The following GRM7 variants were observed in gnomAD, a reference collection of about 807,000 sequenced individuals.
GRM7 encodes metabotropic glutamate receptor 7.
Under a neutral mutation model 84.5 loss-of-function variants are expected in GRM7, and 35 were observed. The ratio of observed to expected loss-of-function variants is 0.41; its 90% CI spans 0.32 to 0.55. GRM7 has a LOEUF of 0.55. Ranked by LOEUF, GRM7 falls within the 20% of genes least tolerant of loss-of-function variation. GRM7 has a pLI of 0.19. For missense variants in GRM7, 1,003 were observed against 1,194.6 expected (o/e 0.84, Z 2.36); for synonymous variants, 487 against 455.1 (o/e 1.07, Z -0.89).
intron 7 of GRM7, among the ~76,000 whole-genome samples, chr3:7,511,526 C>G (rs1043540177): frequency 2.7e-5 from 4 of 150,380 alleles, no homozygotes; most frequent in African/African-American, 1.0e-4. Flanking sequence ...TTGCATTCAT[C>G]AGAGTGTTAC....
chr3:7,105,588 TCTTA>T (rs1346708859), intron 1 of GRM7, among the ~76,000 whole-genome samples: 1 of 151,936 alleles, frequency 6.6e-6, no homozygotes, highest in African/African-American at 2.4e-5. Flanking sequence ...CTATTCCCTT[TCTTA>T]CTTATTTAAG....
chr3:7,199,265 G>A (rs1187125475), intron 2 of GRM7, among the ~76,000 whole-genome samples: 3 of 152,204 alleles, frequency 2.0e-5, no homozygotes, highest in African/African-American at 4.8e-5. Flanking sequence ...GATGCCAAAT[G>A]CTGAGACATG....
At chr3:7,698,055 G>A (rs905687820) in intron 9 of GRM7, among the ~76,000 whole-genome samples, 11 of 152,350 alleles carry the variant, frequency 7.2e-5, no homozygotes, top group Admixed American at 6.5e-4. Flanking sequence ...GGAAGGCTGA[G>A]ATAGAGCAAG....
chr3:7,146,015 T>C (rs1200689138), intron 1 of GRM7, among the ~76,000 whole-genome samples: 24 of 152,208 alleles, frequency 1.6e-4, no homozygotes, highest in Admixed American at 1.6e-3. Context: ...CGATGTTAGA[T>C]GGCTAATGAT....
intron 1 of GRM7, among the ~76,000 whole-genome samples, chr3:7,026,485 T>G (rs904097750): frequency 6.6e-6 from 1 of 152,330 alleles, no homozygotes; most frequent in African/African-American, 2.4e-5. Flanking sequence ...AGGACTTTTC[T>G]ATCCCCGGGA....
Position 7,582,932 on chromosome 3 carries a change from G to A in GRM7, c.2451+3575G>A, listed in dbSNP as rs1020537288. ...TTGCTGGAAAAATGCCAGTGGACACGATGCCAACCATACTTTTTAAAAGCC... is the reference window on the plus strand; with the variant it reads ...TTGCTGGAAAAATGCCAGTGGACACAATGCCAACCATACTTTTTAAAAGCC... On this transcript the variant is annotated intron_variant, in intron 8 of 9. Coordinates refer to ENST00000357716, the MANE Select transcript of GRM7 (RefSeq NM_000844.4). 8.5e-5 allele frequency among the ~76,000 whole-genome samples: 13 copies of A among 152,248 alleles called. No homozygotes were observed. The South Asian group carries it at 1.9e-3, about 22-fold the overall frequency.
At chr3:7,153,314 A>G (rs1183138315) in intron 2 of GRM7, among the ~76,000 whole-genome samples, 1 of 152,026 alleles carries the variant, frequency 6.6e-6, no homozygotes, top group Non-Finnish European at 1.5e-5. Context: ...TTCAACCTTC[A>G]TGAATATAAC....
chr3:7,343,577 C>T (rs1692749813), intron 4 of GRM7, among the ~76,000 whole-genome samples: 1 of 152,082 alleles, frequency 6.6e-6, no homozygotes, highest in Non-Finnish European at 1.5e-5. Context: ...AATTAATGCA[C>T]AGAGGTCTAC....
In GRM7 at chr3:7,574,269, C is replaced by G. The variant is rs564932025; in HGVS notation, c.1516-4153C>G. Among the ~76,000 whole-genome samples, 13 of 151,534 alleles carry G rather than the reference C, an allele frequency of 8.6e-5. No individual in the cohort carries two copies. The East Asian group carries it at 2.3e-3, about 27-fold the overall frequency. ...CCGCCTCCCGGGTTCAAGCAATTCT[C>G]CTGCCTCAGCCTCCTGACTAGCTGG... On this transcript the variant is annotated intron_variant, in intron 7 of 9. Coordinates refer to ENST00000357716, the MANE Select transcript of GRM7 (RefSeq NM_000844.4).
At chr3:7,037,151 T>G (rs1359061628) in intron 1 of GRM7, among the ~76,000 whole-genome samples, 1 of 152,206 alleles carries the variant, frequency 6.6e-6, no homozygotes, top group African/African-American at 2.4e-5. Context: ...TTTCAGTGAT[T>G]TATATGTAGG....
chr3:6,989,738 T>C (rs557822659), intron 1 of GRM7, among the ~76,000 whole-genome samples: 28 of 152,348 alleles, frequency 1.8e-4, no homozygotes, highest in African/African-American at 6.5e-4. Context: ...CGCAGTGTTA[T>C]TGGTTAGAGG....
rs533625576 is a variant in GRM7 at position 7,521,789 on chromosome 3, G to A, written c.1516-56633G>A. ...GCTCTTTAGATAAAAAAAGAACGCCGAGTAGCCCTCCCAAGTAGACACGTA... is the reference window on the plus strand; with the variant it reads ...GCTCTTTAGATAAAAAAAGAACGCCAAGTAGCCCTCCCAAGTAGACACGTA... On this transcript the variant is annotated intron_variant, in intron 7 of 9. Transcript: ENST00000357716. 2.9e-4 allele frequency among the ~76,000 whole-genome samples: 44 copies of A among 152,218 alleles called. No homozygotes were observed. The South Asian group carries it at 6.4e-3, about 22-fold the overall frequency.
intron 1 of GRM7, among the ~76,000 whole-genome samples, chr3:6,963,345 G>A (rs751346861): frequency 1.3e-5 from 2 of 152,168 alleles, no homozygotes; most frequent in African/African-American, 2.4e-5. Flanking sequence ...AACAACATCC[G>A]AGTAATACTA....
intron 9 of GRM7, among the ~76,000 whole-genome samples, chr3:7,689,750 T>C (rs1700727808): frequency 6.6e-6 from 1 of 152,188 alleles, no homozygotes; most frequent in Non-Finnish European, 1.5e-5. Flanking sequence ...CATATATGCA[T>C]TGCACTGCCC....
At chr3:7,033,849 G>C (rs761382222) in intron 1 of GRM7, among the ~76,000 whole-genome samples, 32 of 152,170 alleles carry the variant, frequency 2.1e-4, no homozygotes, top group Non-Finnish European at 4.3e-4. Context: ...AGTGACTCGA[G>C]GGTGTGAAAG....
At chr3:7,633,011 C>T (rs1421262465) in intron 8 of GRM7, among the ~76,000 whole-genome samples, 4 of 152,178 alleles carry the variant, frequency 2.6e-5, no homozygotes, top group African/African-American at 2.4e-5. Flanking sequence ...GAAATGTGTC[C>T]GAAGCAGTCA....
chr3:7,483,917 C>T (rs541908306), intron 7 of GRM7, among the ~76,000 whole-genome samples: 64 of 152,024 alleles, frequency 4.2e-4, no homozygotes, highest in African/African-American at 1.4e-3. Flanking sequence ...CATGATTTAT[C>T]ACATTAAAAG....
At chr3:6,864,444 TGAGTA>T (rs1307475146) in intron 1 of GRM7, among the ~76,000 whole-genome samples, 1 of 152,050 alleles carries the variant, frequency 6.6e-6, no homozygotes, top group African/African-American at 2.4e-5. Context: ...GCCTGCAAAA[TGAGTA>T]GAGAGAATAA....
chr3:6,903,560 G>A (rs1014422580), intron 1 of GRM7, among the ~76,000 whole-genome samples: 2 of 152,172 alleles, frequency 1.3e-5, no homozygotes, highest in East Asian at 1.9e-4. Context: ...TGATGAGAAC[G>A]TAGGCTGTTC....
Sources: gnomAD v4.1 joint callset for allele counts (sites outside exome capture counted in the v4.1 genomes callset) on GRCh38, gnomAD v4.1.1 for gene constraint, MANE v1.5 for transcripts, NCBI Gene and HGNC (gene_info 2026-07-23, HGNC 2026-07-21) for gene names.